Variants in IL1RAPL2 observed in about 807,000 individuals in gnomAD.
The protein encoded by IL1RAPL2 is X-linked interleukin-1 receptor accessory protein-like 2.
In IL1RAPL2, 3 loss-of-function variants were observed where a neutral mutation model predicts 44.1. The observed-to-expected ratio is 0.07, with a 90% CI of 0.03 to 0.18. The LOEUF is 0.18. Ranked by LOEUF, IL1RAPL2 falls within the 10% of genes least tolerant of loss-of-function variation. The pLI is 1.00. For missense variants in IL1RAPL2, 391 were observed against 496.4 expected (o/e 0.79, Z 2.02); for synonymous variants, 181 against 178.8 (o/e 1.01, Z -0.10).
intron 2 of IL1RAPL2, among the ~76,000 whole-genome samples, chrX:105,107,196 A>C (rs1379233072): frequency 8.9e-6 from 1 of 112,364 alleles, no homozygotes; most frequent in Non-Finnish European, 1.9e-5. Context: ...TAATGAGAAA[A>C]CCATTCACAA....
At chrX:105,722,384 C>T (rs968258785) in intron 7 of IL1RAPL2, among the ~76,000 whole-genome samples, 1 of 111,392 alleles carries the variant, frequency 9.0e-6, no homozygotes, top group East Asian at 2.8e-4. Flanking sequence ...TTCTTTCAGT[C>T]TAGAGCCATT....
chrX:104,735,580 A>G (rs1485623274), intron 2 of IL1RAPL2, among the ~76,000 whole-genome samples: 1 of 111,635 alleles, frequency 9.0e-6, no homozygotes, highest in Non-Finnish European at 1.9e-5. Flanking sequence ...TTAATGGGGA[A>G]AAAGAGCATA....
intron 2 of IL1RAPL2, among the ~76,000 whole-genome samples, chrX:104,838,847 CTTTTTTTTTTTT>C (rs3086025): frequency 8.3e-5 from 3 of 36,295 alleles, no homozygotes; most frequent in African/African-American, 2.7e-4. Context: ...TTCTTTCTTT[CTTTTTTTTTTTT>C]TTTTTTTTGA....
intron 2 of IL1RAPL2, among the ~76,000 whole-genome samples, chrX:104,984,608 G>A (rs5917187): frequency 0.43 from 47,940 of 110,876 alleles, 7,463 homozygotes; most frequent in East Asian, 0.46. Context: ...CACCATTACT[G>A]TTTCAAATGT....
intron 2 of IL1RAPL2, among the ~76,000 whole-genome samples, chrX:104,672,329 G>A (rs773149543): frequency 1.8e-5 from 2 of 110,196 alleles, no homozygotes; most frequent in East Asian, 2.9e-4. Context: ...TCCCACCTAT[G>A]AGTGAGAATA....
chrX:105,404,889 A>G (rs1325736478), intron 5 of IL1RAPL2, among the ~76,000 whole-genome samples: 1 of 112,093 alleles, frequency 8.9e-6, no homozygotes, highest in African/African-American at 3.2e-5. Flanking sequence ...TTGCTACTAC[A>G]TAGACACCTA....
At chrX:105,202,448 A>C (rs1289866903) in intron 3 of IL1RAPL2, among the ~76,000 whole-genome samples, 1 of 112,775 alleles carries the variant, frequency 8.9e-6, no homozygotes, top group Non-Finnish European at 1.9e-5. Context: ...TCAGAGGTCA[A>C]GAAGGTAATG....
At chrX:104,909,393 G>T (rs1231051056) in intron 2 of IL1RAPL2, among the ~76,000 whole-genome samples, 2 of 112,158 alleles carry the variant, frequency 1.8e-5, no homozygotes, top group Non-Finnish European at 3.8e-5. Context: ...GTGAGGAATT[G>T]CGTTCCTTTG....
chrX:104,802,072 C>T (rs765858250), intron 2 of IL1RAPL2, among the ~76,000 whole-genome samples: 32 of 110,983 alleles, frequency 2.9e-4, no homozygotes, highest in Admixed American at 2.8e-3. Context: ...AGGCCAGGCG[C>T]GGTGGTTCAC....
At chrX:105,318,538 G>T (rs2034870808) in intron 5 of IL1RAPL2, among the ~76,000 whole-genome samples, 1 of 111,500 alleles carries the variant, frequency 9.0e-6, no homozygotes, top group Non-Finnish European at 1.9e-5. Context: ...GGAGGCAGGA[G>T]CATGGGTTAT....
rs949053232 is a variant in IL1RAPL2 at position 104,985,924 on chromosome X, G to A, written c.83-209551G>A. On this transcript the variant is annotated intron_variant, in intron 2 of 10. Transcript: ENST00000372582. ...AAACTTGTGGTATGCAAAAGGAAATGAAAAGCTTATAGTAGACCCCCAACA... is the reference window on the plus strand; with the variant it reads ...AAACTTGTGGTATGCAAAAGGAAATAAAAAGCTTATAGTAGACCCCCAACA... Among the ~76,000 whole-genome samples, 6 of 111,774 alleles carry A rather than the reference G, an allele frequency of 5.4e-5. 1 individual carries two copies. In the South Asian group the frequency reaches 1.1e-3, roughly 21 times the overall value.
At chrX:105,439,720 T>C (rs1201895882) in intron 5 of IL1RAPL2, among the ~76,000 whole-genome samples, 1 of 111,596 alleles carries the variant, frequency 9.0e-6, no homozygotes. Context: ...CCCAGAGCGA[T>C]GTTTTGTATG....
At chrX:104,575,184 T>C (rs972374746) in intron 1 of IL1RAPL2, among the ~76,000 whole-genome samples, 1 of 110,760 alleles carries the variant, frequency 9.0e-6, no homozygotes, top group Non-Finnish European at 1.9e-5. Context: ...TTTCTAATAA[T>C]AATAAAAGAA....
intron 2 of IL1RAPL2, among the ~76,000 whole-genome samples, chrX:104,676,746 G>C (rs967954152): frequency 8.9e-6 from 1 of 111,844 alleles, no homozygotes; most frequent in Non-Finnish European, 1.9e-5. Context: ...CCAATCAGAC[G>C]TAGATTTGGT....
chrX:105,149,925 A>G (rs2033211729), intron 2 of IL1RAPL2, among the ~76,000 whole-genome samples: 1 of 110,957 alleles, frequency 9.0e-6, no homozygotes, highest in Non-Finnish European at 1.9e-5. Context: ...AATCATAAGA[A>G]AGCAAGGTCC....
intron 2 of IL1RAPL2, among the ~76,000 whole-genome samples, chrX:104,695,349 A>AAGAGAGAG (rs200451049): frequency 4.7e-5 from 5 of 105,997 alleles, no homozygotes; most frequent in Admixed American, 1.0e-4. Flanking sequence ...GAGAGAGAGA[A>AAGAGAGAG]AGAGAGAGAG....
chrX:105,064,498 T>G (rs931385145), intron 2 of IL1RAPL2, among the ~76,000 whole-genome samples: 1 of 112,249 alleles, frequency 8.9e-6, no homozygotes, highest in African/African-American at 3.2e-5. Flanking sequence ...GGATGATTGC[T>G]GTAGGCTTCT....
chrX:104,896,832 G>A (rs1459965091), intron 2 of IL1RAPL2, among the ~76,000 whole-genome samples: 1 of 111,339 alleles, frequency 9.0e-6, no homozygotes, highest in Non-Finnish European at 1.9e-5. Flanking sequence ...GCGAAGGTCT[G>A]CAGCTTCACT....
chrX:104,706,457 G>A (rs766784648), intron 2 of IL1RAPL2, among the ~76,000 whole-genome samples: 1 of 111,511 alleles, frequency 9.0e-6, no homozygotes, highest in East Asian at 2.8e-4. Context: ...TAAGTCTTTT[G>A]CCTCAAATCC....
Sources: allele counts gnomAD v4.1 joint callset (sites outside exome capture counted in the v4.1 genomes callset), GRCh38; gene constraint gnomAD v4.1.1; transcripts MANE v1.5; gene names NCBI Gene and HGNC (gene_info 2026-07-23, HGNC 2026-07-21).